Variants in OLFML1 observed in about 807,000 individuals in gnomAD.
The protein encoded by OLFML1 is olfactomedin-like protein 1.
In OLFML1, 33 loss-of-function variants were observed where a neutral mutation model predicts 37.3. The ratio of observed to expected loss-of-function variants is 0.88; its 90% confidence interval spans 0.67 to 1.18. OLFML1 has a LOEUF of 1.18. OLFML1 is among the 50% of genes most tolerant of loss of function. The pLI is 0.00. For synonymous variants in OLFML1, 186 were observed against 181.3 expected (o/e 1.03, Z -0.21); for missense variants, 545 against 483.7 (o/e 1.13, Z -1.19).
At chr11:7,486,179 C>T (rs1196749401) in intron 1 of OLFML1, among the ~76,000 whole-genome samples, 175 bp downstream of exon 1, 1 of 152,178 alleles carries the variant, frequency 6.6e-6, no homozygotes, top group Non-Finnish European at 1.5e-5. Context: ...CTCCAGAGTC[C>T]AGTGTGCTAC....
At chr11:7,505,507 C>T (rs527824311) in intron 2 of OLFML1, among the ~76,000 whole-genome samples, 51 of 152,300 alleles carry the variant, frequency 3.3e-4, no homozygotes, top group Non-Finnish European at 4.7e-4. Flanking sequence ...CATCTCACAA[C>T]GGATGGCCTG....
At chr11:7,492,557 A>G (rs1848611509) in intron 2 of OLFML1, among the ~76,000 whole-genome samples, 1 of 152,212 alleles carries the variant, frequency 6.6e-6, no homozygotes, top group African/African-American at 2.4e-5. Context: ...AGGGCCAAGT[A>G]CTGAGAATAA....
intron 2 of OLFML1, among the ~76,000 whole-genome samples, chr11:7,491,950 A>G (rs1848603224): frequency 6.6e-6 from 1 of 152,158 alleles, no homozygotes; most frequent in African/African-American, 2.4e-5. Flanking sequence ...ATAATTTCCT[A>G]TTGATAACTT....
At chr11:7,507,532 C>A (rs761115037) in intron 2 of OLFML1, among the ~76,000 whole-genome samples, 2 of 149,116 alleles carry the variant, frequency 1.3e-5, no homozygotes, top group Non-Finnish European at 3.0e-5. Context: ...GACCCTTGTG[C>A]GTTGAAAATT....
chr11:7,495,354 TAAAG>T (rs967212079), intron 2 of OLFML1, among the ~76,000 whole-genome samples: 1 of 151,304 alleles, frequency 6.6e-6, no homozygotes, highest in Non-Finnish European at 1.5e-5. Context: ...AAATAACATA[TAAAG>T]AAAGTCCTTT....
chr11:7,488,351 A>T lies in OLFML1; in HGVS notation c.354A>T (p.Thr118=). 6.2e-7 allele frequency: 1 copy of T among 1,614,110 alleles called. No individual in the cohort carries two copies. Among genetic ancestry groups the T allele is most frequent in the Non-Finnish European group, 8.5e-7 (1 of 1,179,964 alleles). The change falls in exon 2 of 3, where the codon ACA becomes ACT. Residue 118 remains threonine (T), a synonymous_variant. Coordinates refer to ENST00000329293, the MANE Select transcript of OLFML1 (RefSeq NM_198474.4). ...ADECIESEDK[T]LAEMLLQEAE... ...AGTGCATCGAATCAGAGGACAAGACACTGGCAGAAATGTTGCTCCAAGAAG... is the reference window on the plus strand; with the variant it reads ...AGTGCATCGAATCAGAGGACAAGACTCTGGCAGAAATGTTGCTCCAAGAAG...
rs144161543 is a variant in OLFML1, at chr11:7,509,711, G to A, written c.732G>A (p.Arg244=). Residue 244 remains arginine, a synonymous_variant, in exon 3 of 3, where the codon AGG becomes AGA. Transcript: ENST00000329293. ...NEIIKYNLQK[R]TVEDRMLLPG... ...TAATCAAATATAACCTGCAGAAGAG[G>A]ACTGTGGAAGATCGAATGCTGCTCC... The A allele has an allele frequency of 2.5e-4, 396 of 1,614,216 alleles. No individual in the cohort carries two copies. The African/African-American group carries it at 5.0e-3, about 20-fold the overall frequency.
At chr11:7,508,111 T>C (rs1848807373) in intron 2 of OLFML1, among the ~76,000 whole-genome samples, 1 of 152,172 alleles carries the variant, frequency 6.6e-6, no homozygotes, top group African/African-American at 2.4e-5. Flanking sequence ...AGAAAATAGA[T>C]ATACGGTTCA....
At chr11:7,505,984 G>T (rs1162273930) in intron 2 of OLFML1, among the ~76,000 whole-genome samples, 1 of 152,104 alleles carries the variant, frequency 6.6e-6, no homozygotes, top group Non-Finnish European at 1.5e-5. Context: ...GACACAAAAG[G>T]TCTATTTGAG....
chr11:7,495,332 CA>C (rs1848648791), intron 2 of OLFML1, among the ~76,000 whole-genome samples: 1 of 151,904 alleles, frequency 6.6e-6, no homozygotes, highest in South Asian at 2.1e-4. Flanking sequence ...TAGGGTAAAG[CA>C]ACCCCCCCAA....
rs1426058546 is a variant in OLFML1, at chr11:7,510,706, G to T, written c.*518G>T. On this transcript the variant is annotated 3_prime_UTR_variant, in exon 3 of 3. Coordinates refer to ENST00000329293, the MANE Select transcript of OLFML1 (RefSeq NM_198474.4). Reference sequence around the variant, plus strand: ...TTTTTTTGAGACAAGGTCTCACTATGTTGCCCAGGCTGGTCTCAAACTCCA... The same window carrying T: ...TTTTTTTGAGACAAGGTCTCACTATTTTGCCCAGGCTGGTCTCAAACTCCA... 2 of 152,762 alleles carry T rather than the reference G, an allele frequency of 1.3e-5. No individual in the cohort carries two copies. The highest frequency in any genetic ancestry group is 4.8e-5 in the African/African-American group (2 of 41,290). The allele number at this position is 152,762 out of a possible 1,614,324, so 9.5% of individuals were successfully genotyped here.
intron 2 of OLFML1, among the ~76,000 whole-genome samples, chr11:7,494,762 G>T (rs1242464804): frequency 6.6e-6 from 1 of 152,218 alleles, no homozygotes; most frequent in Non-Finnish European, 1.5e-5. Flanking sequence ...GGAGGCACAT[G>T]AGGTAGGAGC....
chr11:7,501,638 C>T (rs1434185049), intron 2 of OLFML1, among the ~76,000 whole-genome samples: 1 of 152,214 alleles, frequency 6.6e-6, no homozygotes, highest in African/African-American at 2.4e-5. Context: ...GTTGCTCCCA[C>T]CCCCACTTCT....
At chr11:7,500,082 G>A (rs572299996) in intron 2 of OLFML1, among the ~76,000 whole-genome samples, 3 of 152,168 alleles carry the variant, frequency 2.0e-5, no homozygotes, top group South Asian at 4.1e-4. Flanking sequence ...TTGTGGAGAC[G>A]AGGTCTCACT....
intron 2 of OLFML1, among the ~76,000 whole-genome samples, chr11:7,498,751 AC>A (rs1848689727): frequency 6.6e-6 from 1 of 152,118 alleles, no homozygotes; most frequent in African/African-American, 2.4e-5. Context: ...TGAATTCATC[AC>A]TCTTCCCAAG....
At chr11:7,492,113 G>C (rs1393341133) in intron 2 of OLFML1, among the ~76,000 whole-genome samples, 2 of 152,206 alleles carry the variant, frequency 1.3e-5, no homozygotes, top group South Asian at 2.1e-4. Flanking sequence ...ATGTACACCA[G>C]GGGGTAAAAA....
rs149345877 is a variant in OLFML1, at chr11:7,488,251, T to G, written c.254T>G (p.Val85Gly). The G allele has an allele frequency of 1.2e-6, 2 of 1,613,974 alleles. No homozygotes were observed. The highest frequency in any genetic ancestry group is 1.7e-6 in the Non-Finnish European group (2 of 1,179,974). Reference sequence around the variant, plus strand: ...TACACAAGTGAGTACAAGAGTGCAGTGGGTAACTTGGCACTGAGAGTTGAA... The same window carrying G: ...TACACAAGTGAGTACAAGAGTGCAGGGGGTAACTTGGCACTGAGAGTTGAA... ...QTYTSEYKSA[V>G]GNLALRVERA... is the part of the protein sequence containing the mutation. Residue 85 changes from valine (V) to glycine (G), a missense_variant, in exon 2 of 3, where the codon GTG (valine) becomes GGG (glycine). By Grantham distance (109) the Val-to-Gly change is moderately radical. Coordinates refer to ENST00000329293, the MANE Select transcript of OLFML1 (RefSeq NM_198474.4).
intron 2 of OLFML1, among the ~76,000 whole-genome samples, chr11:7,509,167 A>G (rs1848821676): frequency 6.6e-6 from 1 of 152,220 alleles, no homozygotes; most frequent in Admixed American, 6.5e-5. Context: ...TGGGATTTAA[A>G]TGCCCTTTTT....
intron 2 of OLFML1, among the ~76,000 whole-genome samples, chr11:7,496,090 A>G (rs916394631): frequency 2.0e-5 from 3 of 152,240 alleles, no homozygotes; most frequent in Admixed American, 2.0e-4. Flanking sequence ...GTGCACCTGC[A>G]GTCAGTGGCA....
Sources: allele counts gnomAD v4.1 joint callset (sites outside exome capture counted in the v4.1 genomes callset), GRCh38; gene constraint gnomAD v4.1.1; transcripts MANE v1.5; gene names NCBI Gene and HGNC (gene_info 2026-07-23, HGNC 2026-07-21).